Variants in WDFY4 observed in about 807,000 individuals in gnomAD.
WDFY4 encodes WDFY family member 4, also known as WD repeat- and FYVE domain-containing protein 4.
A neutral mutation model predicts 351.9 loss-of-function variants in WDFY4; 169 were observed. The ratio of observed to expected loss-of-function variants is 0.48; its 90% CI spans 0.42 to 0.55. The LOEUF (loss-of-function observed/expected upper bound fraction) is 0.55, where lower values mean the gene tolerates loss of function less well. WDFY4 is among the 20% of genes least tolerant of loss of function. The probability of loss-of-function intolerance (pLI) is 0.00; values close to 1 mark genes in which losing one functional copy is unlikely to be tolerated. For missense variants in WDFY4, 3,803 were observed against 3,935.6 expected (o/e 0.97, Z 0.90); for synonymous variants, 1,622 against 1,574.6 (o/e 1.03, Z -0.71).
chr10:48,929,458 G>T (rs533998834), intron 47 of WDFY4, among the ~76,000 whole-genome samples: 1 of 152,140 alleles, frequency 6.6e-6, no homozygotes, highest in Non-Finnish European at 1.5e-5. Context: ...AAATAGCCCA[G>T]CATGGGAGGA....
intron 47 of WDFY4, among the ~76,000 whole-genome samples, chr10:48,924,506 G>A (rs1008584450): frequency 6.6e-6 from 1 of 152,214 alleles, no homozygotes; most frequent in South Asian, 2.1e-4. Flanking sequence ...ATAGACAGAC[G>A]AATGGATGTA....
intron 45 of WDFY4, among the ~76,000 whole-genome samples, chr10:48,897,876 A>G (rs1189386460): frequency 6.6e-6 from 1 of 152,158 alleles, no homozygotes; most frequent in Admixed American, 6.5e-5. Context: ...GCTGCCTTGG[A>G]GATTTAGGAA....
In WDFY4 at chr10:48,729,454, G is replaced by A. The variant is rs768240305; in HGVS notation, c.994G>A (p.Glu332Lys). 22 of 1,551,192 alleles carry A rather than the reference G, an allele frequency of 1.4e-5. 1 individual carries two copies. Among genetic ancestry groups the A allele is most frequent in the Middle Eastern group, 1.8e-4 (1 of 5,648 alleles). ...CAGGTATGATGGGCTGACCCAGAGC[G>A]AAGTGGACCCGCATCTGGAGGAGCT... ...LLRYDGLTQSEVDPHLEELLG... is the reference protein window; with the variant it reads ...LLRYDGLTQSKVDPHLEELLG... Residue 332 changes from glutamate to lysine, a missense_variant, in exon 8 of 62, where the codon GAA becomes AAA. Coordinates refer to ENST00000325239, the MANE Select transcript of WDFY4 (RefSeq NM_001394531.1).
At chr10:48,815,324 T>C (rs2067584399) in intron 31 of WDFY4, among the ~76,000 whole-genome samples, 1 of 151,496 alleles carries the variant, frequency 6.6e-6, no homozygotes, top group Non-Finnish European at 1.5e-5. Context: ...CATATGTTTA[T>C]TAGCTATCTT....
chr10:48,893,635 T>C (rs1836925168), intron 44 of WDFY4, among the ~76,000 whole-genome samples: 1 of 152,234 alleles, frequency 6.6e-6, no homozygotes, highest in Non-Finnish European at 1.5e-5. Flanking sequence ...GAATTAGATG[T>C]GGACTAAATC....
At chr10:48,965,686 C>A (rs972812486) in intron 54 of WDFY4, among the ~76,000 whole-genome samples, 2 of 146,060 alleles carry the variant, frequency 1.4e-5, no homozygotes, top group Admixed American at 1.4e-4. Flanking sequence ...CAGGAATGTG[C>A]TTCTGGCTGG....
intron 28 of WDFY4, among the ~76,000 whole-genome samples, chr10:48,808,269 T>C (rs905466751): frequency 1.3e-5 from 2 of 152,240 alleles, no homozygotes; most frequent in African/African-American, 4.8e-5. Flanking sequence ...TTACTGATTT[T>C]GATGTCTTGT....
rs1339688991 is a variant in WDFY4, at chr10:48,807,955, C to T, written c.4835C>T (p.Ser1612Phe). The change falls in exon 28 of 62, where the codon TCT becomes TTT. Residue 1612 changes from serine (S) to phenylalanine (F), a missense_variant. By Grantham distance (155) the Ser-to-Phe change is radical. Around this residue, in one of 3 missense-constraint regions of WDFY4, gnomAD observed 3,054 missense variants for 3,148.6 expected, o/e 0.97. Coordinates refer to ENST00000325239, the MANE Select transcript of WDFY4 (RefSeq NM_001394531.1). ...VISSPQLHLS[S>F]ESKEEMFLKL... ...TCTTCCCCCCAGCTTCATCTGTCCT[C>T]TGAGTAAGTAGCTCCAGGAAGAGCA... is the stretch of plus-strand genomic sequence containing the variant. 28 of 1,540,524 alleles carry T rather than the reference C, an allele frequency of 1.8e-5. No individual in the cohort carries two copies. Among genetic ancestry groups the T allele is most frequent in the Non-Finnish European group, 2.1e-5 (24 of 1,142,282 alleles).
chr10:48,775,953 G>A (rs1158954838), intron 15 of WDFY4, 147 bp downstream of exon 15: 12 of 714,386 alleles, frequency 1.7e-5, no homozygotes, highest in Non-Finnish European at 2.8e-5. Flanking sequence ...TGAGGAAAAA[G>A]CAAAGAAATT....
intron 12 of WDFY4, among the ~76,000 whole-genome samples, chr10:48,755,152 A>T (rs1203222538): frequency 6.6e-6 from 1 of 152,118 alleles, no homozygotes; most frequent in Non-Finnish European, 1.5e-5. Context: ...TTTCCAGAAT[A>T]CCATATACAT....
At chr10:48,779,281 C>T (rs1589587829) in intron 18 of WDFY4, among the ~76,000 whole-genome samples, 1 of 152,230 alleles carries the variant, frequency 6.6e-6, no homozygotes, top group African/African-American at 2.4e-5. Flanking sequence ...AGAAGGCTGG[C>T]CCATGCTTGG....
chr10:48,887,778 CAA>C (rs11352403), intron 43 of WDFY4, among the ~76,000 whole-genome samples: 6,453 of 137,156 alleles, frequency 0.047, 420 homozygotes, highest in African/African-American at 0.16. Context: ...GACTCCATCT[CAA>C]AAAAAAAAAA....
chr10:48,823,757 G>A (rs942482865), intron 35 of WDFY4: 10 of 991,822 alleles, frequency 1.0e-5, no homozygotes, highest in Non-Finnish European at 1.2e-6. Context: ...CGTGCTTTCA[G>A]GGGGACCAGG....
intron 13 of WDFY4, among the ~76,000 whole-genome samples, chr10:48,771,090 G>A (rs1474490269): frequency 2.6e-5 from 4 of 152,188 alleles, no homozygotes; most frequent in East Asian, 1.9e-4. Context: ...AGAGCTACAG[G>A]GCCCATGTGT....
At chr10:48,852,735 T>C (rs1018661300) in intron 39 of WDFY4, among the ~76,000 whole-genome samples, 3 of 152,184 alleles carry the variant, frequency 2.0e-5, no homozygotes, top group Non-Finnish European at 4.4e-5. Flanking sequence ...GCTCCTGGCC[T>C]GAACAGCCTC....
At position 48,717,565 on chromosome 10, in the gene WDFY4, C is replaced by T. The variant is rs1236292704; in HGVS notation, c.235-2446C>T. ...GGTTCTCTCTCTTGAATTTGGGGTG[C>T]CTCATTCCCTGGGTGGATGTTCACT... is the stretch of plus-strand genomic sequence containing the variant. On this transcript the variant is annotated intron_variant, in intron 2 of 61. Transcript: ENST00000325239. Among the ~76,000 whole-genome samples the T allele has an allele frequency of 2.6e-5, 4 of 152,158 alleles. No homozygotes were observed. In the East Asian group the frequency reaches 7.7e-4, roughly 29 times the overall value.
intron 39 of WDFY4, among the ~76,000 whole-genome samples, chr10:48,849,739 A>T (rs1173414491): frequency 6.6e-6 from 1 of 152,224 alleles, no homozygotes; most frequent in East Asian, 1.9e-4. Flanking sequence ...ACCATGAAAC[A>T]TTTGTCAAAG....
At chr10:48,697,008 G>T (rs555141746) in intron 1 of WDFY4, among the ~76,000 whole-genome samples, 1 of 152,230 alleles carries the variant, frequency 6.6e-6, no homozygotes, top group African/African-American at 2.4e-5. Flanking sequence ...CTCTGGGTTG[G>T]CCTGGCCTTG....
Position 48,873,710 on chromosome 10 carries a change from C to A in WDFY4, c.6948+13C>A, listed in dbSNP as rs183757563. 1.3e-6 allele frequency: 2 copies of A among 1,551,028 alleles called. No individual in the cohort carries two copies. Among genetic ancestry groups the A allele is most frequent in the Admixed American group, 2.0e-5 (1 of 50,940 alleles). On this transcript the variant is annotated intron_variant, in intron 41 of 61. Coordinates refer to ENST00000325239, the MANE Select transcript of WDFY4 (RefSeq NM_001394531.1). ...AGGAAGGCACAAGGTAGGAGTCAGGCGCAGTGGGACAGTGCTGGTTCCAGG... is the reference window on the plus strand; with the variant it reads ...AGGAAGGCACAAGGTAGGAGTCAGGAGCAGTGGGACAGTGCTGGTTCCAGG...
Sources: gnomAD v4.1 joint callset for allele counts (sites outside exome capture counted in the v4.1 genomes callset) on GRCh38, gnomAD v4.1.1 for gene constraint, gnomAD v4.1.1 regional missense constraint, MANE v1.5 for transcripts, NCBI Gene and HGNC (gene_info 2026-07-23, HGNC 2026-07-21) for gene names.